Variants in AOPEP observed in about 807,000 individuals in gnomAD.
The protein encoded by AOPEP is aminopeptidase O.
A neutral mutation model predicts 98.1 loss-of-function variants in AOPEP; 77 were observed. The observed-to-expected ratio is 0.78, with a 90% CI of 0.65 to 0.95. The LOEUF (loss-of-function observed/expected upper bound fraction) is 0.95. Among genes scored for constraint, AOPEP ranks in the 40% least tolerant of loss-of-function variants. The probability of loss-of-function intolerance (pLI) is 0.00; values close to 1 mark genes in which losing one functional copy is unlikely to be tolerated. For missense variants in AOPEP, 1,024 were observed against 1,024.7 expected, an observed-to-expected ratio of 1.00 and a Z score of 0.01; for synonymous variants, 346 against 365.3, an observed-to-expected ratio of 0.95 and a Z score of 0.60.
intron 11 of AOPEP, among the ~76,000 whole-genome samples, chr9:94,994,907 T>C (rs2061125213): frequency 6.6e-6 from 1 of 152,164 alleles, no homozygotes; most frequent in Non-Finnish European, 1.5e-5. Context: ...CCTGAGATCA[T>C]GCCACTGCAC....
chr9:94,985,494 TTA>T (rs1294234392), intron 11 of AOPEP, among the ~76,000 whole-genome samples: 1 of 152,226 alleles, frequency 6.6e-6, no homozygotes, highest in Non-Finnish European at 1.5e-5. Context: ...AGTAGACTTC[TTA>T]TAGCACATAT....
intron 7 of AOPEP, among the ~76,000 whole-genome samples, chr9:94,942,904 C>CAA (rs35186299): frequency 0.01 from 835 of 81,958 alleles, 3 homozygotes; most frequent in African/African-American, 0.023. Context: ...GAGTCTGTCT[C>CAA]AAAAAAAAAA....
At chr9:94,742,708 C>T (rs1207540651) in intron 1 of AOPEP, among the ~76,000 whole-genome samples, 3 of 152,212 alleles carry the variant, frequency 2.0e-5, no homozygotes, top group Non-Finnish European at 4.4e-5. Flanking sequence ...GCTGGGATTA[C>T]AGACGTGAGC....
intron 5 of AOPEP, among the ~76,000 whole-genome samples, chr9:94,844,298 A>G (rs2042597998): frequency 6.6e-6 from 1 of 152,094 alleles, no homozygotes; most frequent in Non-Finnish European, 1.5e-5. Context: ...TTAATTTTTG[A>G]GAAGCCCCCC....
At chr9:94,835,325 TTTTG>T (rs1012017360) in intron 5 of AOPEP, among the ~76,000 whole-genome samples, 2 of 152,090 alleles carry the variant, frequency 1.3e-5, no homozygotes, top group African/African-American at 4.8e-5. Flanking sequence ...GTGGTCAAGG[TTTTG>T]CTTTGGCTCA....
intron 13 of AOPEP, among the ~76,000 whole-genome samples, chr9:95,052,131 A>G (rs970720130): frequency 6.6e-6 from 1 of 152,214 alleles, no homozygotes; most frequent in Non-Finnish European, 1.5e-5. Context: ...CTTTTAAATC[A>G]CCAGATTGTT....
intron 10 of AOPEP, among the ~76,000 whole-genome samples, chr9:94,969,740 A>G (rs2059426074): frequency 6.6e-6 from 1 of 152,346 alleles, no homozygotes; most frequent in Non-Finnish European, 1.5e-5. Context: ...TGGTATTCAA[A>G]CATTAAACGG....
chr9:94,991,006 A>C (rs1453413197), intron 11 of AOPEP, among the ~76,000 whole-genome samples: 2 of 152,228 alleles, frequency 1.3e-5, no homozygotes, highest in African/African-American at 4.8e-5. Context: ...TAGTTGAGTG[A>C]GTTGTGCACA....
intron 2 of AOPEP, among the ~76,000 whole-genome samples, chr9:94,760,925 C>T (rs1219547356): frequency 6.6e-6 from 1 of 152,154 alleles, no homozygotes; most frequent in Non-Finnish European, 1.5e-5. Context: ...GATACGTCTC[C>T]GAGTGAATAC....
At chr9:94,816,117 C>T (rs1343974665) in intron 5 of AOPEP, among the ~76,000 whole-genome samples, 1 of 152,150 alleles carries the variant, frequency 6.6e-6, no homozygotes, top group African/African-American at 2.4e-5. Flanking sequence ...TCATAGTTCA[C>T]AGCCTTAGTG....
At chr9:94,911,393 A>G (rs1050170809) in intron 5 of AOPEP, among the ~76,000 whole-genome samples, 3 of 152,358 alleles carry the variant, frequency 2.0e-5, no homozygotes, top group African/African-American at 4.8e-5. Flanking sequence ...TCATTGTCTA[A>G]CCCAGATTTC....
chr9:94,775,467 T>C (rs1473232398), intron 3 of AOPEP, among the ~76,000 whole-genome samples: 1 of 151,970 alleles, frequency 6.6e-6, no homozygotes, highest in Non-Finnish European at 1.5e-5. Context: ...CCTCCCGGGT[T>C]CAGGCGATTC....
chr9:95,022,029 T>C (rs2063493299), intron 13 of AOPEP: 1 of 152,224 alleles, frequency 6.6e-6, no homozygotes, highest in South Asian at 2.1e-4. Flanking sequence ...TTGCTCTTGG[T>C]TCAGATTATT....
chr9:95,089,215 C>G (rs186298528), downstream of AOPEP, among the ~76,000 whole-genome samples: 1 of 152,276 alleles, frequency 6.6e-6, no homozygotes, highest in African/African-American at 2.4e-5. Flanking sequence ...GAGAGCAAAC[C>G]GGGGTCTCGG....
chr9:95,123,847 A>G, the AOPEP span: 11 of 627,942 alleles, frequency 1.8e-5, no homozygotes, highest in African/African-American at 1.8e-4. Context: ...CTGCCCCACA[A>G]CCCCCACCAA....
At chr9:94,797,856 C>T (rs889121731) in intron 4 of AOPEP, among the ~76,000 whole-genome samples, 11 of 152,196 alleles carry the variant, frequency 7.2e-5, no homozygotes, top group Admixed American at 2.0e-4. Flanking sequence ...GCATGCACCA[C>T]CACACTCGGC....
chr9:94,778,387 T>A (rs1466805933), intron 3 of AOPEP, among the ~76,000 whole-genome samples: 3 of 152,022 alleles, frequency 2.0e-5, no homozygotes, highest in African/African-American at 7.3e-5. Context: ...ACAGTCTAAC[T>A]GTAGATGGAT....
At chr9:94,934,162 T>C (rs978104778) in intron 7 of AOPEP, among the ~76,000 whole-genome samples, 2 of 152,126 alleles carry the variant, frequency 1.3e-5, no homozygotes, top group Non-Finnish European at 2.9e-5. Context: ...AAAACGGAAA[T>C]GTCCTGGGGC....
intron 1 of AOPEP, among the ~76,000 whole-genome samples, chr9:94,729,742 A>G (rs1203974129): frequency 6.6e-6 from 1 of 152,182 alleles, no homozygotes; most frequent in African/African-American, 2.4e-5. Context: ...CTCCAGTGTG[A>G]TAATCAAAAA....
Sources: allele counts gnomAD v4.1 joint callset (sites outside exome capture counted in the v4.1 genomes callset), GRCh38; gene constraint gnomAD v4.1.1; transcripts MANE v1.5; gene names NCBI Gene and HGNC (gene_info 2026-07-23, HGNC 2026-07-21).